The following BOD1 variants were observed in gnomAD, a reference collection of about 807,000 sequenced individuals.
The protein encoded by BOD1 is biorientation of chromosomes in cell division 1, also known as biorientation of chromosomes in cell division protein 1.
Under a neutral mutation model 15.7 loss-of-function variants are expected in BOD1, and 11 were observed. The observed-to-expected ratio is 0.70, with a 90% CI of 0.44 to 1.16. The LOEUF is 1.16. Ranked by LOEUF, BOD1 falls within the 50% of genes most tolerant of loss-of-function variation. The pLI is 0.00. For missense variants in BOD1, 182 were observed against 244.5 expected, an observed-to-expected ratio of 0.74 and a Z score of 1.70; for synonymous variants, 105 against 103.5, an observed-to-expected ratio of 1.01 and a Z score of -0.09.
chr5:173,608,535 G>A (rs1302453221), intron 3 of BOD1, among the ~76,000 whole-genome samples: 2 of 152,084 alleles, frequency 1.3e-5, no homozygotes, highest in Non-Finnish European at 2.9e-5. Context: ...GATTATAACA[G>A]GCATCTCAGA....
Position 173,607,381 on chromosome 5 carries a change from A to G in BOD1, c.*913T>C, listed in dbSNP as rs1310846661. 1 of 152,228 alleles carries G rather than the reference A, an allele frequency of 6.6e-6. No homozygotes were observed. Among genetic ancestry groups the G allele is most frequent in the African/African-American group, 2.4e-5 (1 of 41,444 alleles). The allele number at this position is 152,228 out of a possible 1,614,324, so 9.4% of individuals were successfully genotyped here. On this transcript the variant is annotated 3_prime_UTR_variant, in exon 4 of 4. Transcript: ENST00000311086. ...GGGAGGAGAGAAACAGCCCACTACT[A>G]GCTACACCTACTAGTTTCATAGTTC... is the stretch of plus-strand genomic sequence containing the variant.
chr5:173,616,215 G>T lies in BOD1; in HGVS notation c.222C>A (p.Ala74=). The T allele has an allele frequency of 1.9e-6, 3 of 1,578,890 alleles. No individual in the cohort carries two copies. The South Asian group carries it at 3.5e-5, about 18-fold the overall frequency. The part of the protein sequence containing the change: ...LFDSFRRDCL[A]DVDTKPAYQN... ...CCGCAGCTACCTTGGTGTCCACGTC[G>T]GCCAGGCAGTCCCGGCGGAAGCTGT... The change falls in exon 1 of 4, where the codon GCC becomes GCA. Residue 74 remains alanine, a synonymous_variant. Transcript: ENST00000311086.
chr5:173,608,473 C>T lies in BOD1; in HGVS notation c.*2-181G>A, dbSNP rs375643437. On this transcript the variant is annotated intron_variant, in intron 3 of 3. Transcript: ENST00000311086. ...CAAAAAGACAGTCCTGATGCTCTTGCGTTGCTCATCACTGACACTCAAAAC... is the reference window on the plus strand; with the variant it reads ...CAAAAAGACAGTCCTGATGCTCTTGTGTTGCTCATCACTGACACTCAAAAC... 5.3e-5 allele frequency among the ~76,000 whole-genome samples: 8 copies of T among 152,256 alleles called. No homozygotes were observed. In the East Asian group the frequency reaches 1.2e-3, roughly 22 times the overall value.
chr5:173,616,203 G>A lies in BOD1; in HGVS notation c.234C>T (p.Thr78=). 1.9e-6 allele frequency: 3 copies of A among 1,578,666 alleles called. No individual in the cohort carries two copies. Among genetic ancestry groups the A allele is most frequent in the Non-Finnish European group, 2.6e-6 (3 of 1,163,020 alleles). ...ACGCCCAGGCGGCCGCAGCTACCTT[G>A]GTGTCCACGTCGGCCAGGCAGTCCC... ...FRRDCLADVD[T]KPAYQNLRQK... is the part of the protein sequence containing the mutation. Residue 78 remains threonine, a synonymous_variant, in exon 1 of 4, where the codon ACC becomes ACT. Transcript: ENST00000311086.
chr5:173,614,004 T>G (rs796540312), intron 1 of BOD1, among the ~76,000 whole-genome samples: 11 of 152,310 alleles, frequency 7.2e-5, no homozygotes, highest in African/African-American at 2.6e-4. Context: ...GCTGACAGCC[T>G]CTCTCTAGAG....
At chr5:173,613,885 A>G (rs928395380) in intron 1 of BOD1, among the ~76,000 whole-genome samples, 4 of 152,358 alleles carry the variant, frequency 2.6e-5, no homozygotes, top group African/African-American at 9.6e-5. Flanking sequence ...CCTTCTTTCT[A>G]GTAACTGTCT....
rs774874725 is a variant in BOD1 at position 173,616,422 on chromosome 5, GCCGCCGT to G, written c.8_14del (p.Asp3AlafsTer81). 1 of 1,545,006 alleles carries G rather than the reference GCCGCCGT, an allele frequency of 6.5e-7. No individual in the cohort carries two copies. Among genetic ancestry groups the G allele is most frequent in the Non-Finnish European group, 8.6e-7 (1 of 1,157,052 alleles). On this transcript the variant is annotated frameshift_variant, in exon 1 of 4. Coordinates refer to ENST00000311086, the MANE Select transcript of BOD1 (RefSeq NM_138369.3). LOFTEE classifies it high-confidence loss of function. ...CCACCGCGCCAGTTCCCCCGCCGCC[GCCGCCGT>G]CCGCCATGGCTGCGCCCCGGGCCCA...
chr5:173,608,324 T>C, intron 3 of BOD1, 32 bp from the exon 4 acceptor site: 1 of 1,253,384 alleles, frequency 8.0e-7, no homozygotes, highest in Non-Finnish European at 1.1e-6. Context: ...ATCAAAATGT[T>C]ATTTATTGAT....
rs747435012 is a variant in BOD1 at position 173,609,280 on chromosome 5, C to T, written c.517G>A (p.Glu173Lys). Reference sequence around the variant, plus strand: ...GATGGAGCTGGAGGGTCCTGGCCTTCGGGCTCTGGAGGGGGTGCTGGCACA... The same window carrying T: ...GATGGAGCTGGAGGGTCCTGGCCTTTGGGCTCTGGAGGGGGTGCTGGCACA... Reference protein sequence around the residue: ...AAVPAPPPEPEGQDPPAPSQD... With the variant: ...AAVPAPPPEPKGQDPPAPSQD... The change falls in exon 3 of 4, where the codon GAA becomes AAA. Residue 173 changes from glutamate (E) to lysine (K), a missense_variant. Glu to Lys is a moderately conservative substitution (Grantham distance 56). This residue lies in a region of BOD1 where 40 missense variants were observed against 45.3 expected (regional missense o/e 0.88). Coordinates refer to ENST00000311086, the MANE Select transcript of BOD1 (RefSeq NM_138369.3). 21 of 1,614,064 alleles carry T rather than the reference C, an allele frequency of 1.3e-5. No homozygotes were observed. The highest frequency in any genetic ancestry group is 1.6e-4 in the Middle Eastern group (1 of 6,084).
intron 2 of BOD1, among the ~76,000 whole-genome samples, chr5:173,612,569 C>A (rs1042263590): frequency 1.3e-5 from 2 of 152,190 alleles, no homozygotes; most frequent in Non-Finnish European, 2.9e-5. Flanking sequence ...CATTTCTGTA[C>A]CCTCCTCCAC....
intron 2 of BOD1, among the ~76,000 whole-genome samples, chr5:173,612,417 T>C (rs1755378480): frequency 6.6e-6 from 1 of 152,226 alleles, no homozygotes; most frequent in African/African-American, 2.4e-5. Flanking sequence ...GACTTTACCA[T>C]ACGAGCTGTT....
intron 2 of BOD1, among the ~76,000 whole-genome samples, chr5:173,611,497 G>C (rs1032306889): frequency 1.3e-5 from 2 of 151,752 alleles, no homozygotes; most frequent in African/African-American, 2.4e-5. Context: ...CATGTTTTCA[G>C]GTTAAACACA....
At chr5:173,613,618 T>C (rs897041834) in intron 1 of BOD1, among the ~76,000 whole-genome samples, 3 of 152,220 alleles carry the variant, frequency 2.0e-5, no homozygotes, top group Non-Finnish European at 2.9e-5. Flanking sequence ...TGCCGCCCCA[T>C]GAACATGTGA....
chr5:173,616,255 C>A lies in BOD1; in HGVS notation c.182G>T (p.Ser61Ile), dbSNP rs1755494965. The A allele has an allele frequency of 4.5e-6, 7 of 1,568,538 alleles. No homozygotes were observed. The highest frequency in any genetic ancestry group is 6.0e-6 in the Non-Finnish European group (7 of 1,158,092). The change falls in exon 1 of 4, where the codon AGC becomes ATC. Residue 61 changes from serine (S) to isoleucine (I), a missense_variant. Physicochemically the swap from Ser to Ile is moderately radical, Grantham distance 142. This residue lies in a region of BOD1 where 70 missense variants were observed against 130.3 expected (regional missense o/e 0.54). Transcript: ENST00000311086. The stretch of plus-strand genomic sequence containing the variant: ...GCGGAAGCTGTCAAAAAGGCCCCGG[C>A]TCTTGAGCTGCTCCACGATGAGAGC... ...LIALIVEQLKSRGLFDSFRRD... is the reference protein window; with the variant it reads ...LIALIVEQLKIRGLFDSFRRD...
Position 173,614,425 on chromosome 5 carries a change from G to C in BOD1, c.238-1170C>G, listed in dbSNP as rs538573833. Reference sequence around the variant, plus strand: ...TTCAAGAAGTCAAAGGAACTCATGAGCCCACTCATAACGTTTTACTGTACT... The same window carrying C: ...TTCAAGAAGTCAAAGGAACTCATGACCCCACTCATAACGTTTTACTGTACT... On this transcript the variant is annotated intron_variant, in intron 1 of 3. Coordinates refer to ENST00000311086, the MANE Select transcript of BOD1 (RefSeq NM_138369.3). Among the ~76,000 whole-genome samples, 66 of 152,266 alleles carry C rather than the reference G, an allele frequency of 4.3e-4. 1 individual carries two copies. The highest frequency in any genetic ancestry group is 1.5e-3 in the African/African-American group (61 of 41,528).
intron 1 of BOD1, 34 bp downstream of exon 1, chr5:173,616,165 GC>G: frequency 6.4e-7 from 1 of 1,559,104 alleles, no homozygotes; most frequent in South Asian, 1.2e-5. Context: ...CTCACGTGCA[GC>G]CCCGCTCCCC....
In BOD1 at chr5:173,607,651, C is replaced by G. The variant is rs934701737; in HGVS notation, c.*643G>C. 2.6e-5 allele frequency: 4 copies of G among 152,468 alleles called. No individual in the cohort carries two copies. The highest frequency in any genetic ancestry group is 9.7e-5 in the African/African-American group (4 of 41,448). The allele number at this position is 152,468 out of a possible 1,614,324, so 9.4% of individuals were successfully genotyped here. On this transcript the variant is annotated 3_prime_UTR_variant, in exon 4 of 4. Transcript: ENST00000311086. ...CTGGCCCCTCCAGGACAGGAAGCAGCCCTGGACAGAGAGCCTGCAAACGAG... is the reference window on the plus strand; with the variant it reads ...CTGGCCCCTCCAGGACAGGAAGCAGGCCTGGACAGAGAGCCTGCAAACGAG...
intron 1 of BOD1, 79 bp downstream of exon 1, chr5:173,616,121 C>A: frequency 1.3e-6 from 2 of 1,515,804 alleles, no homozygotes; most frequent in Non-Finnish European, 1.8e-6. Context: ...GTTTTGCTCT[C>A]GGCTTTCGAA....
At chr5:173,615,506 A>T (rs1289989669) in intron 1 of BOD1, among the ~76,000 whole-genome samples, 1 of 152,206 alleles carries the variant, frequency 6.6e-6, no homozygotes, top group African/African-American at 2.4e-5. Flanking sequence ...AAGTTTTGAA[A>T]AGGAAGAAAA....
Sources: allele counts gnomAD v4.1 joint callset (sites outside exome capture counted in the v4.1 genomes callset), GRCh38; gene constraint gnomAD v4.1.1; regional missense constraint gnomAD v4.1.1; transcripts MANE v1.5; gene names NCBI Gene and HGNC (gene_info 2026-07-23, HGNC 2026-07-21).